Variants in CSMD3 observed in about 807,000 individuals in gnomAD.
The protein encoded by CSMD3 is CUB and Sushi multiple domains 3, also known as CUB and sushi domain-containing protein 3.
Under a neutral mutation model 435.2 loss-of-function variants are expected in CSMD3, and 177 were observed. The observed-to-expected ratio is 0.41, with a 90% confidence interval of 0.36 to 0.46. The LOEUF (loss-of-function observed/expected upper bound fraction) is 0.46. CSMD3 is among the 20% of genes least tolerant of loss of function. The pLI, the probability that CSMD3 is intolerant of heterozygous loss-of-function variation, is 0.34. For synonymous variants in CSMD3, 1,656 were observed against 1,520.5 expected, an observed-to-expected ratio of 1.09 and a Z score of -2.07; for missense variants, 4,265 against 4,504.6, an observed-to-expected ratio of 0.95 and a Z score of 1.52.
intron 1 of CSMD3, among the ~76,000 whole-genome samples, chr8:113,333,335 A>G (rs2094042669): frequency 6.6e-6 from 1 of 151,820 alleles, no homozygotes. Context: ...TTTGCTATAA[A>G]GACTAATTAT....
Position 112,999,005 on chromosome 8 carries a change from T to C in CSMD3, c.1030+20062A>G, listed in dbSNP as rs116653434. 6.6e-3 allele frequency among the ~76,000 whole-genome samples: 1,010 copies of C among 152,108 alleles called. 12 individuals are homozygous for C. Among genetic ancestry groups the C allele is most frequent in the African/African-American group, 0.023 (968 of 41,520 alleles). On this transcript the variant is annotated intron_variant, in intron 6 of 70. Coordinates refer to ENST00000297405, the MANE Select transcript of CSMD3 (RefSeq NM_198123.2). The stretch of plus-strand genomic sequence containing the variant: ...TTTATAAATTACCCAATCTCAGGTA[T>C]TTCTTTACAGCAGTGTGAGAACAAA...
At chr8:112,254,164 T>C (rs1201770286) in intron 63 of CSMD3, 89 bp downstream of exon 63, 2 of 917,666 alleles carry the variant, frequency 2.2e-6, no homozygotes, top group Non-Finnish European at 3.7e-6. Flanking sequence ...AACATGACTT[T>C]TTGTTATGTC....
intron 11 of CSMD3, 81 bp downstream of exon 11, chr8:112,859,064 A>G (rs1296415221): frequency 1.5e-5 from 20 of 1,319,792 alleles, no homozygotes; most frequent in Non-Finnish European, 6.5e-6. Flanking sequence ...AATTTTCCAT[A>G]CTGCATGTTC....
At chr8:113,314,391 G>A in intron 2 of CSMD3, 180 bp downstream of exon 2, 1 of 599,734 alleles carries the variant, frequency 1.7e-6, no homozygotes, top group Non-Finnish European at 3.0e-6. Flanking sequence ...CTAGCAATAT[G>A]ACATCAGAGA....
chr8:112,772,468 C>T (rs988439996), intron 13 of CSMD3, among the ~76,000 whole-genome samples: 3 of 152,062 alleles, frequency 2.0e-5, no homozygotes, highest in African/African-American at 7.2e-5. Flanking sequence ...CAAAACACTG[C>T]GGAAGGCCGC....
chr8:112,893,117 A>AACTACT (rs578218335), intron 10 of CSMD3, among the ~76,000 whole-genome samples: 1 of 150,650 alleles, frequency 6.6e-6, no homozygotes, highest in Non-Finnish European at 1.5e-5. Flanking sequence ...CTACTACTAC[A>AACTACT]ACTACTACTA....
Position 113,395,410 on chromosome 8 carries a change from C to T in CSMD3, c.178+41267G>A, listed in dbSNP as rs572277825. 1.6e-3 allele frequency among the ~76,000 whole-genome samples: 247 copies of T among 152,014 alleles called. 1 individual carries two copies. The highest frequency in any genetic ancestry group is 5.7e-3 in the African/African-American group (236 of 41,458). Reference sequence around the variant, plus strand: ...ATCATGAGGTCAGGAGATTGAGACCCATCCTGGCTAACACAGTGAAACCCC... The same window carrying T: ...ATCATGAGGTCAGGAGATTGAGACCTATCCTGGCTAACACAGTGAAACCCC... On this transcript the variant is annotated intron_variant, in intron 1 of 70. Coordinates refer to ENST00000297405, the MANE Select transcript of CSMD3 (RefSeq NM_198123.2).
At chr8:112,516,302 G>A (rs575665565) in intron 28 of CSMD3, among the ~76,000 whole-genome samples, 3 of 152,176 alleles carry the variant, frequency 2.0e-5, no homozygotes, top group South Asian at 4.1e-4. Context: ...AACATAGTTT[G>A]TTCAAAATGT....
At chr8:112,544,929 T>A (rs1316581728) in intron 27 of CSMD3, among the ~76,000 whole-genome samples, 1 of 152,218 alleles carries the variant, frequency 6.6e-6, no homozygotes, top group Non-Finnish European at 1.5e-5. Flanking sequence ...ATTTCAATGA[T>A]AAAGTAATTA....
chr8:112,502,326 A>G (rs1211330231), intron 30 of CSMD3, among the ~76,000 whole-genome samples: 1 of 152,214 alleles, frequency 6.6e-6, no homozygotes, highest in African/African-American at 2.4e-5. Flanking sequence ...TGTCTGTGCC[A>G]AATGGCCAGT....
chr8:113,414,561 G>T (rs2094573389), intron 1 of CSMD3, among the ~76,000 whole-genome samples: 1 of 146,474 alleles, frequency 6.8e-6, no homozygotes, highest in Non-Finnish European at 1.5e-5. Context: ...TCTCTTTGGT[G>T]TAATAAAATT....
chr8:112,828,492 T>C (rs2079765918), intron 12 of CSMD3, among the ~76,000 whole-genome samples: 2 of 152,142 alleles, frequency 1.3e-5, no homozygotes, highest in South Asian at 2.1e-4. Context: ...CCACCATCTC[T>C]CTCTCTCTCC....
At chr8:113,036,015 T>C (rs971111429) in intron 5 of CSMD3, among the ~76,000 whole-genome samples, 2 of 151,978 alleles carry the variant, frequency 1.3e-5, no homozygotes, top group Admixed American at 6.6e-5. Context: ...CTTGAACTGA[T>C]ACAATACCCA....
intron 13 of CSMD3, among the ~76,000 whole-genome samples, chr8:112,755,776 TA>T (rs2077684161): frequency 6.7e-6 from 1 of 149,470 alleles, no homozygotes; most frequent in Non-Finnish European, 1.5e-5. Context: ...AGAACACAAA[TA>T]AATTAATATA....
chr8:112,272,878 T>C (rs1817660441), intron 59 of CSMD3, among the ~76,000 whole-genome samples: 1 of 152,174 alleles, frequency 6.6e-6, no homozygotes, highest in Admixed American at 6.5e-5. Context: ...GGGGTTTTTA[T>C]TTACGCTTTT....
intron 22 of CSMD3, among the ~76,000 whole-genome samples, chr8:112,616,126 G>T (rs1705854400): frequency 6.6e-6 from 1 of 152,010 alleles, no homozygotes; most frequent in South Asian, 2.1e-4. Context: ...GTGACTTTGG[G>T]CAAGTTACAT....
chr8:112,900,699 A>G (rs541739102), intron 10 of CSMD3, among the ~76,000 whole-genome samples: 1 of 151,382 alleles, frequency 6.6e-6, no homozygotes, highest in Admixed American at 6.6e-5. Flanking sequence ...GTTTATGAAG[A>G]TGGGATGCTG....
At chr8:112,933,998 T>C (rs914269667) in intron 9 of CSMD3, among the ~76,000 whole-genome samples, 1 of 152,012 alleles carries the variant, frequency 6.6e-6, no homozygotes, top group African/African-American at 2.4e-5. Flanking sequence ...GACTGTAAAC[T>C]CTTGAAGGGA....
intron 32 of CSMD3, among the ~76,000 whole-genome samples, chr8:112,432,470 A>G (rs187857478): frequency 6.6e-6 from 1 of 151,928 alleles, no homozygotes; most frequent in Non-Finnish European, 1.5e-5. Context: ...CACACAAATA[A>G]TTTATTATTT....
Sources: allele counts gnomAD v4.1 joint callset (sites outside exome capture counted in the v4.1 genomes callset), GRCh38; gene constraint gnomAD v4.1.1; transcripts MANE v1.5; gene names NCBI Gene and HGNC (gene_info 2026-07-23, HGNC 2026-07-21).